CACNA2D3: variants seen among roughly 807,000 people sequenced by gnomAD.
CACNA2D3 encodes voltage-dependent calcium channel subunit alpha-2/delta-3.
CACNA2D3 carries 60 observed loss-of-function variants against 160.6 expected under a neutral mutation model. The ratio of observed to expected loss-of-function variants is 0.37; its 90% CI spans 0.30 to 0.46. The LOEUF (loss-of-function observed/expected upper bound fraction) is 0.46. CACNA2D3 is among the 20% of genes least tolerant of loss of function. CACNA2D3 has a pLI of 1.00. For synonymous variants in CACNA2D3, 558 were observed against 492.9 expected (o/e 1.13, Z -1.75); for missense variants, 1,205 against 1,365.0 (o/e 0.88, Z 1.85).
At chr3:54,133,641 G>A (rs894035877) in intron 2 of CACNA2D3, among the ~76,000 whole-genome samples, 2 of 152,150 alleles carry the variant, frequency 1.3e-5, no homozygotes, top group African/African-American at 2.4e-5. Context: ...GGGCTGGTGA[G>A]CCCTCTAGCT....
At chr3:54,858,434 A>G (rs957954459) in intron 17 of CACNA2D3, among the ~76,000 whole-genome samples, 6 of 152,182 alleles carry the variant, frequency 3.9e-5, no homozygotes, top group African/African-American at 1.4e-4. Flanking sequence ...GCAGAATGAA[A>G]CACTCTCCTC....
intron 29 of CACNA2D3, among the ~76,000 whole-genome samples, chr3:54,975,541 A>AC (rs1429070761): frequency 0.016 from 2,230 of 139,698 alleles, 97 homozygotes; most frequent in Middle Eastern, 0.035. Flanking sequence ...AAAAAAAAAA[A>AC]AAAAAACAAC....
chr3:54,978,872 A>G (rs1463039490), intron 29 of CACNA2D3, among the ~76,000 whole-genome samples: 1 of 152,232 alleles, frequency 6.6e-6, no homozygotes, highest in Non-Finnish European at 1.5e-5. Context: ...GAACTTAATA[A>G]CAGGTTATAC....
At chr3:54,376,088 T>C (rs1259599420) in intron 3 of CACNA2D3, among the ~76,000 whole-genome samples, 2 of 152,206 alleles carry the variant, frequency 1.3e-5, no homozygotes, top group Admixed American at 1.3e-4. Flanking sequence ...GTGGGTCTTA[T>C]GGCCCATGAG....
chr3:54,789,502 C>T (rs116147241), intron 13 of CACNA2D3, among the ~76,000 whole-genome samples: 1 of 152,316 alleles, frequency 6.6e-6, no homozygotes, highest in African/African-American at 2.4e-5. Flanking sequence ...TTTGTGAGCA[C>T]AGCCAAGGCC....
chr3:54,402,267 A>G (rs899004534), intron 4 of CACNA2D3, among the ~76,000 whole-genome samples: 2 of 152,170 alleles, frequency 1.3e-5, no homozygotes, highest in Non-Finnish European at 2.9e-5. Flanking sequence ...AATGGCAGTA[A>G]TAATTCTTTA....
intron 3 of CACNA2D3, among the ~76,000 whole-genome samples, chr3:54,377,532 G>T (rs1699032056): frequency 6.6e-6 from 1 of 152,118 alleles, no homozygotes; most frequent in African/African-American, 2.4e-5. Context: ...TTTTACACTT[G>T]TGTGGAATCC....
intron 5 of CACNA2D3, among the ~76,000 whole-genome samples, chr3:54,509,555 C>G (rs576579851): frequency 6.6e-6 from 1 of 152,252 alleles, no homozygotes; most frequent in South Asian, 2.1e-4. Flanking sequence ...GCACATTGCT[C>G]TGGACCTAGA....
At chr3:54,539,205 T>G (rs1046488723) in intron 5 of CACNA2D3, among the ~76,000 whole-genome samples, 2 of 152,252 alleles carry the variant, frequency 1.3e-5, no homozygotes, top group Non-Finnish European at 2.9e-5. Flanking sequence ...GGCTTCAGTT[T>G]CCTCATTTGT....
chr3:54,835,738 G>A lies in CACNA2D3; in HGVS notation c.1399-1421G>A, dbSNP rs530107207. 2.0e-5 allele frequency among the ~76,000 whole-genome samples: 3 copies of A among 152,308 alleles called. 1 individual carries two copies. The South Asian group carries it at 6.2e-4, about 32-fold the overall frequency. ...ATTGCTTCACTTGGGGCTTGAACAG[G>A]CTACGAAGCCAGAAGGACTTGCCTG... On this transcript the variant is annotated intron_variant, in intron 14 of 37. Transcript: ENST00000474759.
At chr3:54,410,200 A>C (rs1052510762) in intron 4 of CACNA2D3, among the ~76,000 whole-genome samples, 10 of 151,986 alleles carry the variant, frequency 6.6e-5, no homozygotes, top group African/African-American at 1.7e-4. Flanking sequence ...AATACACACA[A>C]AAAAATAGCC....
At chr3:54,941,232 A>C (rs577185374) in intron 27 of CACNA2D3, among the ~76,000 whole-genome samples, 1 of 152,350 alleles carries the variant, frequency 6.6e-6, no homozygotes, top group East Asian at 1.9e-4. Flanking sequence ...TCCAAAAAGT[A>C]AAAAAACAGG....
At chr3:54,417,148 T>G (rs1357461416) in intron 4 of CACNA2D3, among the ~76,000 whole-genome samples, 1 of 152,232 alleles carries the variant, frequency 6.6e-6, no homozygotes, top group Non-Finnish European at 1.5e-5. Context: ...GAAAGTATAC[T>G]TCTAACGTTA....
chr3:54,489,912 A>C (rs1701080480), intron 4 of CACNA2D3, among the ~76,000 whole-genome samples: 1 of 152,212 alleles, frequency 6.6e-6, no homozygotes, highest in Non-Finnish European at 1.5e-5. Context: ...GATCATTAAA[A>C]AAATCATTTT....
chr3:54,492,941 A>G (rs945968441), intron 4 of CACNA2D3, among the ~76,000 whole-genome samples: 1 of 151,596 alleles, frequency 6.6e-6, no homozygotes, highest in Non-Finnish European at 1.5e-5. Context: ...TTTAATTTCC[A>G]TTTACATTTA....
intron 35 of CACNA2D3, among the ~76,000 whole-genome samples, chr3:55,056,891 G>A (rs1325807899): frequency 2.0e-5 from 3 of 152,116 alleles, no homozygotes; most frequent in Non-Finnish European, 4.4e-5. Flanking sequence ...TGCACATCAT[G>A]GTGAATATAG....
At chr3:54,816,482 C>T (rs115709235) in intron 13 of CACNA2D3, among the ~76,000 whole-genome samples, 1 of 152,142 alleles carries the variant, frequency 6.6e-6, no homozygotes, top group Non-Finnish European at 1.5e-5. Flanking sequence ...AGATGGCCCT[C>T]ATCCAGTTGA....
intron 3 of CACNA2D3, among the ~76,000 whole-genome samples, chr3:54,339,059 C>G (rs1704458147): frequency 6.6e-6 from 1 of 152,188 alleles, no homozygotes; most frequent in Non-Finnish European, 1.5e-5. Context: ...TTGCAGAGAA[C>G]TTGTCATCCT....
chr3:54,275,782 T>C (rs980228415), intron 2 of CACNA2D3, among the ~76,000 whole-genome samples: 1 of 152,086 alleles, frequency 6.6e-6, no homozygotes, highest in Non-Finnish European at 1.5e-5. Context: ...CACGCCTGGC[T>C]AATTTTTATG....
Sources: gnomAD v4.1 joint callset for allele counts (sites outside exome capture counted in the v4.1 genomes callset) on GRCh38, gnomAD v4.1.1 for gene constraint, MANE v1.5 for transcripts, NCBI Gene and HGNC (gene_info 2026-07-23, HGNC 2026-07-21) for gene names.